MYO1B: variants seen among roughly 807,000 people sequenced by gnomAD.
MYO1B encodes myosin IB.
Under a neutral mutation model 159.7 loss-of-function variants are expected in MYO1B, and 72 were observed. The observed-to-expected ratio is 0.45, with a 90% CI of 0.37 to 0.55. MYO1B has a LOEUF of 0.55. Ranked by LOEUF, MYO1B falls within the 20% of genes least tolerant of loss-of-function variation. The pLI, the probability that MYO1B is intolerant of heterozygous loss-of-function variation, is 0.00. For synonymous variants in MYO1B, 468 were observed against 473.8 expected (o/e 0.99, Z 0.16); for missense variants, 1,062 against 1,364.8 (o/e 0.78, Z 3.50).
chr2:191,390,314 A>C lies in MYO1B; in HGVS notation c.1804A>C (p.Lys602Gln). The C allele has an allele frequency of 6.2e-7, 1 of 1,613,570 alleles. No homozygotes were observed. The highest frequency in any genetic ancestry group is 8.5e-7 in the Non-Finnish European group (1 of 1,179,528). Reference sequence around the variant, plus strand: ...AAGGTGTATCAAACCGAATGATAAAAAAGCAGCACACATCTTCAACGAGGC... The same window carrying C: ...AAGGTGTATCAAACCGAATGATAAACAAGCAGCACACATCTTCAACGAGGC... ...YIRCIKPNDK[K>Q]AAHIFNEALV... is the part of the protein sequence containing the mutation. Residue 602 changes from lysine to glutamine, a missense_variant, in exon 18 of 31, where the codon AAA becomes CAA. Physicochemically the swap from Lys to Gln is moderately conservative, Grantham distance 53. Coordinates refer to ENST00000392318, the MANE Select transcript of MYO1B (RefSeq NM_001130158.3).
chr2:191,326,898 C>T (rs746296856), intron 3 of MYO1B, among the ~76,000 whole-genome samples: 19 of 151,664 alleles, frequency 1.3e-4, no homozygotes, highest in Non-Finnish European at 2.4e-4. Context: ...AAAGTTGTAG[C>T]CCTAGGAGCA....
chr2:191,298,072 T>G (rs929202734), intron 3 of MYO1B, among the ~76,000 whole-genome samples: 1 of 152,220 alleles, frequency 6.6e-6, no homozygotes, highest in African/African-American at 2.4e-5. Context: ...GAACATAAAA[T>G]CTAATAATTA....
At chr2:191,387,503 G>T (rs1695466745) in intron 17 of MYO1B, 53 bp downstream of exon 17, 4 of 1,497,288 alleles carry the variant, frequency 2.7e-6, no homozygotes, top group African/African-American at 1.4e-5. Context: ...CACCCCGAAG[G>T]AATATCATTT....
chr2:191,397,559 C>T (rs1194747168), intron 21 of MYO1B, among the ~76,000 whole-genome samples: 1 of 151,550 alleles, frequency 6.6e-6, no homozygotes, highest in Non-Finnish European at 1.5e-5. Flanking sequence ...TTTCTTAGTA[C>T]AGAACAAAAT....
intron 23 of MYO1B, 67 bp from the exon 24 acceptor site, chr2:191,402,565 C>A: frequency 7.3e-7 from 1 of 1,367,216 alleles, no homozygotes; most frequent in Non-Finnish European, 1.0e-6. Flanking sequence ...GGTGGGATAT[C>A]TTTTTCTGGT....
At chr2:191,332,671 G>A (rs1691568392) in intron 4 of MYO1B, among the ~76,000 whole-genome samples, 1 of 152,096 alleles carries the variant, frequency 6.6e-6, no homozygotes, top group Non-Finnish European at 1.5e-5. Context: ...ATAGGAACAC[G>A]GAAACATTAA....
chr2:191,400,327 C>T, intron 21 of MYO1B, 55 bp from the exon 22 acceptor site: 1 of 1,574,346 alleles, frequency 6.4e-7, no homozygotes, highest in Non-Finnish European at 8.7e-7. Flanking sequence ...TTTCAAGTCA[C>T]TGTCAATTCC....
intron 4 of MYO1B, among the ~76,000 whole-genome samples, chr2:191,334,371 C>T (rs1003806291): frequency 5.9e-5 from 9 of 152,126 alleles, no homozygotes; most frequent in Non-Finnish European, 1.2e-4. Flanking sequence ...ATCTTCCTTA[C>T]TGAAAAACTG....
rs74333906 is a variant in MYO1B at position 191,386,089 on chromosome 2, G to A, written c.1554+5G>A. 5.0e-6 allele frequency: 8 copies of A among 1,613,694 alleles called. No individual in the cohort carries two copies. Among genetic ancestry groups the A allele is most frequent in the Non-Finnish European group, 6.8e-6 (8 of 1,179,782 alleles). ...ATCCAGCATTATGCTGGAAAGGTAT[G>A]GGGGAGCTGTGAGCACCCAGTCAGG... is the stretch of plus-strand genomic sequence containing the variant. On this transcript the variant is annotated splice_donor_5th_base_variant and intron_variant, in intron 16 of 30. Transcript: ENST00000392318.
intron 3 of MYO1B, among the ~76,000 whole-genome samples, chr2:191,310,200 TGAA>T (rs1689911380): frequency 6.6e-6 from 1 of 152,164 alleles, no homozygotes; most frequent in African/African-American, 2.4e-5. Flanking sequence ...TGTTGAGTCT[TGAA>T]GAAGAATTTT....
At chr2:191,299,816 T>G (rs2125824850) in intron 3 of MYO1B, among the ~76,000 whole-genome samples, 1 of 152,308 alleles carries the variant, frequency 6.6e-6, no homozygotes, top group South Asian at 2.1e-4. Context: ...ATTAATTAAC[T>G]CCTGGGATTT....
At chr2:191,403,010 G>GT (rs1410480108) in intron 24 of MYO1B, among the ~76,000 whole-genome samples, 1 of 152,072 alleles carries the variant, frequency 6.6e-6, no homozygotes, top group Non-Finnish European at 1.5e-5. Flanking sequence ...GTGTAAAGTT[G>GT]TTTTTTTAAA....
chr2:191,298,057 T>A (rs2125819239), intron 3 of MYO1B, among the ~76,000 whole-genome samples: 1 of 152,378 alleles, frequency 6.6e-6, no homozygotes, highest in Non-Finnish European at 1.5e-5. Flanking sequence ...TTATTAATTT[T>A]GACAGAACAT....
chr2:191,313,233 G>A (rs1296557948), intron 3 of MYO1B, among the ~76,000 whole-genome samples: 2 of 55,758 alleles, frequency 3.6e-5, no homozygotes, highest in African/African-American at 6.3e-5. Flanking sequence ...TTTTTGAGAC[G>A]GAGTTTCACT....
intron 2 of MYO1B, among the ~76,000 whole-genome samples, chr2:191,288,282 C>T (rs920122684): frequency 3.3e-5 from 5 of 150,914 alleles, no homozygotes; most frequent in African/African-American, 9.7e-5. Context: ...GGTGGCTGGG[C>T]GGCATTCAGC....
intron 30 of MYO1B, among the ~76,000 whole-genome samples, chr2:191,421,893 T>TA (rs1697964908): frequency 6.6e-6 from 1 of 152,260 alleles, no homozygotes; most frequent in South Asian, 2.1e-4. Flanking sequence ...ATGCCAGAGA[T>TA]ATATCTCAGG....
intron 2 of MYO1B, among the ~76,000 whole-genome samples, chr2:191,292,029 C>T (rs1314798599): frequency 6.6e-6 from 1 of 152,084 alleles, no homozygotes; most frequent in Non-Finnish European, 1.5e-5. Context: ...TTGGCTAATG[C>T]ACATAGAACT....
At chr2:191,420,046 T>A (rs1697840488) in intron 30 of MYO1B, among the ~76,000 whole-genome samples, 1 of 151,716 alleles carries the variant, frequency 6.6e-6, no homozygotes, top group South Asian at 2.1e-4. Context: ...ACAAAAAAAT[T>A]AAAAAATTAG....
chr2:191,255,435 A>T (rs1431085508), intron 1 of MYO1B, among the ~76,000 whole-genome samples: 1 of 152,170 alleles, frequency 6.6e-6, no homozygotes, highest in Admixed American at 6.5e-5. Context: ...AGCCTGACTT[A>T]GGAAATAAAC....
Sources: gnomAD v4.1 joint callset for allele counts (sites outside exome capture counted in the v4.1 genomes callset) on GRCh38, gnomAD v4.1.1 for gene constraint, MANE v1.5 for transcripts, NCBI Gene and HGNC (gene_info 2026-07-23, HGNC 2026-07-21) for gene names.